The following SMAP1 variants were observed in gnomAD, a reference collection of about 807,000 sequenced individuals.
SMAP1 encodes stromal membrane-associated protein 1.
SMAP1 carries 24 observed loss-of-function variants against 58.5 expected under a neutral mutation model. The ratio of observed to expected loss-of-function variants is 0.41; its 90% CI spans 0.30 to 0.58. The LOEUF (loss-of-function observed/expected upper bound fraction) is 0.58, where lower values mean the gene tolerates loss of function less well. Ranked by LOEUF, SMAP1 falls within the 20% of genes least tolerant of loss-of-function variation. The probability of loss-of-function intolerance (pLI) is 0.29; values close to 1 mark genes in which losing one functional copy is unlikely to be tolerated. For synonymous variants in SMAP1, 216 were observed against 196.6 expected (o/e 1.10, Z -0.82); for missense variants, 563 against 566.3 (o/e 0.99, Z 0.06).
chr6:70,693,033 T>A (rs1426090651), intron 1 of SMAP1, among the ~76,000 whole-genome samples: 10 of 152,152 alleles, frequency 6.6e-5, no homozygotes, highest in African/African-American at 2.4e-4. Flanking sequence ...TCTGCCCACC[T>A]CGGCCTCCCA....
intron 6 of SMAP1, among the ~76,000 whole-genome samples, chr6:70,815,462 A>G (rs981809566): frequency 2.6e-5 from 4 of 152,186 alleles, no homozygotes; most frequent in African/African-American, 9.6e-5. Context: ...TGTATGTAAG[A>G]TGTGTGAGAA....
intron 1 of SMAP1, among the ~76,000 whole-genome samples, chr6:70,691,492 A>G (rs1767165595): frequency 6.6e-6 from 1 of 152,118 alleles, no homozygotes; most frequent in Admixed American, 6.5e-5. Flanking sequence ...AAAATGTGTG[A>G]TAAATTATTG....
intron 3 of SMAP1, among the ~76,000 whole-genome samples, chr6:70,772,156 T>G (rs1767353173): frequency 6.6e-6 from 1 of 152,124 alleles, no homozygotes; most frequent in South Asian, 2.1e-4. Context: ...AGGGGAAAAT[T>G]TGGAAAGTCT....
intron 1 of SMAP1, among the ~76,000 whole-genome samples, chr6:70,719,475 C>A (rs1037195236): frequency 6.6e-6 from 1 of 152,190 alleles, no homozygotes; most frequent in Non-Finnish European, 1.5e-5. Context: ...TTTTACCACA[C>A]TTATTCTCTT....
intron 9 of SMAP1, 36 bp downstream of exon 9, chr6:70,857,066 C>T (rs998587608): frequency 7.7e-6 from 12 of 1,551,188 alleles, no homozygotes; most frequent in African/African-American, 4.1e-5. Context: ...AGTGACATTA[C>T]TAGAAGTACA....
intron 1 of SMAP1, among the ~76,000 whole-genome samples, chr6:70,681,795 C>G (rs1394210839): frequency 6.6e-6 from 1 of 152,116 alleles, no homozygotes; most frequent in Non-Finnish European, 1.5e-5. Context: ...ATACACAGCT[C>G]TAAAGTTGCT....
chr6:70,747,463 T>C (rs1019893004), intron 2 of SMAP1, among the ~76,000 whole-genome samples: 14 of 152,194 alleles, frequency 9.2e-5, no homozygotes, highest in Non-Finnish European at 1.3e-4. Flanking sequence ...GCTGATCTTA[T>C]GAGTGATAGT....
At chr6:70,790,462 CA>C (rs1768299602) in intron 4 of SMAP1, among the ~76,000 whole-genome samples, 1 of 152,164 alleles carries the variant, frequency 6.6e-6, no homozygotes, top group African/African-American at 2.4e-5. Context: ...AGTAAATATC[CA>C]ATAGGACAAA....
intron 3 of SMAP1, among the ~76,000 whole-genome samples, chr6:70,757,584 C>G (rs1335999861): frequency 6.6e-6 from 1 of 151,560 alleles, no homozygotes; most frequent in South Asian, 2.1e-4. Flanking sequence ...GAACAGGCAA[C>G]CTACAAAATG....
intron 1 of SMAP1, among the ~76,000 whole-genome samples, chr6:70,729,743 G>A (rs1222132393): frequency 6.6e-6 from 1 of 151,982 alleles, no homozygotes; most frequent in Admixed American, 6.6e-5. Context: ...ATATTTGTTC[G>A]TTTCCATTCT....
chr6:70,815,137 TTAAA>T (rs1769563671), intron 6 of SMAP1, among the ~76,000 whole-genome samples: 1 of 152,166 alleles, frequency 6.6e-6, no homozygotes, highest in Non-Finnish European at 1.5e-5. Flanking sequence ...ACTATGCTGA[TTAAA>T]TAAATATGTT....
intron 8 of SMAP1, among the ~76,000 whole-genome samples, chr6:70,855,640 C>T (rs1025470899): frequency 4.6e-5 from 7 of 152,234 alleles, no homozygotes; most frequent in African/African-American, 1.7e-4. Flanking sequence ...CTTTTGTGAT[C>T]ATTAAGCTTA....
At chr6:70,670,475 G>GT (rs1433931086) in intron 1 of SMAP1, among the ~76,000 whole-genome samples, 1 of 152,160 alleles carries the variant, frequency 6.6e-6, no homozygotes, top group African/African-American at 2.4e-5. Flanking sequence ...ATTTGGTAAG[G>GT]TTGAAGTACA....
At chr6:70,760,335 A>T (rs1766697349) in intron 3 of SMAP1, among the ~76,000 whole-genome samples, 1 of 152,056 alleles carries the variant, frequency 6.6e-6, no homozygotes, top group South Asian at 2.1e-4. Context: ...GGTCATATTT[A>T]TGTGAGGTAT....
At chr6:70,782,159 G>T (rs898127405) in intron 4 of SMAP1, among the ~76,000 whole-genome samples, 4 of 152,146 alleles carry the variant, frequency 2.6e-5, no homozygotes, top group Non-Finnish European at 5.9e-5. Flanking sequence ...TACTCTACAT[G>T]TATAAAAGTA....
intron 2 of SMAP1, among the ~76,000 whole-genome samples, chr6:70,744,488 C>T (rs1765942895): frequency 6.6e-6 from 1 of 152,186 alleles, no homozygotes; most frequent in African/African-American, 2.4e-5. Context: ...CCATGACCTA[C>T]AAAGGACATG....
At chr6:70,809,437 A>G (rs934266888) in intron 6 of SMAP1, among the ~76,000 whole-genome samples, 8 of 152,234 alleles carry the variant, frequency 5.3e-5, no homozygotes, top group African/African-American at 1.7e-4. Context: ...CAAGATAACA[A>G]TTGCAAATCT....
chr6:70,830,026 C>G (rs923675782), intron 6 of SMAP1, among the ~76,000 whole-genome samples: 25 of 152,114 alleles, frequency 1.6e-4, no homozygotes, highest in Admixed American at 1.0e-3. Context: ...CTAATAAAAG[C>G]TTTAATAATT....
At chr6:70,826,493 G>T (rs905532523) in intron 6 of SMAP1, among the ~76,000 whole-genome samples, 1 of 152,086 alleles carries the variant, frequency 6.6e-6, no homozygotes, top group Non-Finnish European at 1.5e-5. Context: ...GGCTGGCATG[G>T]TGTCTCACAC....
Sources: gnomAD v4.1 joint callset for allele counts (sites outside exome capture counted in the v4.1 genomes callset) on GRCh38, gnomAD v4.1.1 for gene constraint, MANE v1.5 for transcripts, NCBI Gene and HGNC (gene_info 2026-07-23, HGNC 2026-07-21) for gene names.